The following DSCAM variants were observed in gnomAD, a reference collection of about 807,000 sequenced individuals.
DSCAM encodes DS cell adhesion molecule, also known as cell adhesion molecule DSCAM.
DSCAM carries 47 observed loss-of-function variants against 217.7 expected under a neutral mutation model. That is an observed-to-expected ratio of 0.22 (90% CI 0.17 to 0.28). The LOEUF (loss-of-function observed/expected upper bound fraction) is 0.28. Ranked by LOEUF, DSCAM falls within the 10% of genes least tolerant of loss-of-function variation. The probability of loss-of-function intolerance (pLI) is 1.00; values close to 1 mark genes in which losing one functional copy is unlikely to be tolerated. For missense variants in DSCAM, 2,080 were observed against 2,618.3 expected (o/e 0.79, Z 4.49); for synonymous variants, 1,056 against 1,015.3 (o/e 1.04, Z -0.76).
At chr21:40,102,902 C>T (rs926781511) in intron 20 of DSCAM, among the ~76,000 whole-genome samples, 3 of 152,160 alleles carry the variant, frequency 2.0e-5, no homozygotes, top group African/African-American at 7.2e-5. Flanking sequence ...CTTACTGCAT[C>T]TCCCCAGGGG....
chr21:40,039,876 G>T (rs2088712355), intron 32 of DSCAM, among the ~76,000 whole-genome samples: 1 of 152,148 alleles, frequency 6.6e-6, no homozygotes, highest in African/African-American at 2.4e-5. Context: ...CTCTAAAGTT[G>T]AGGAGGAAGA....
Position 40,577,733 on chromosome 21 carries a change from T to A in DSCAM, c.508+115077A>T, listed in dbSNP as rs568082779. ...CTAGTTAGAACAATTTTACAGAAGT[T>A]AAGTAGGCAAAAAGTTAAAAGGATA... On this transcript the variant is annotated intron_variant, in intron 3 of 32. Coordinates refer to ENST00000400454, the MANE Select transcript of DSCAM (RefSeq NM_001389.5). Among the ~76,000 whole-genome samples, 26 of 152,266 alleles carry A rather than the reference T, an allele frequency of 1.7e-4. 1 individual carries two copies. The highest frequency in any genetic ancestry group is 6.2e-4 in the South Asian group (3 of 4,824).
At chr21:40,717,154 C>T (rs1364920739) in intron 1 of DSCAM, among the ~76,000 whole-genome samples, 1 of 152,168 alleles carries the variant, frequency 6.6e-6, no homozygotes, top group Non-Finnish European at 1.5e-5. Flanking sequence ...TTCTTAGATT[C>T]ATTTATCTTG....
chr21:40,405,701 A>G (rs1035532694), intron 3 of DSCAM, among the ~76,000 whole-genome samples: 1 of 152,234 alleles, frequency 6.6e-6, no homozygotes, highest in Non-Finnish European at 1.5e-5. Flanking sequence ...CTTGTTTTAT[A>G]AAAGATGATA....
intron 8 of DSCAM, among the ~76,000 whole-genome samples, chr21:40,335,083 C>T (rs547530178): frequency 1.3e-4 from 20 of 152,122 alleles, no homozygotes; most frequent in Non-Finnish European, 2.5e-4. Context: ...CTTCCCTTTA[C>T]CTAGGATGTC....
chr21:40,170,918 C>T (rs968900648), intron 15 of DSCAM, among the ~76,000 whole-genome samples: 21 of 152,150 alleles, frequency 1.4e-4, no homozygotes, highest in African/African-American at 4.8e-4. Flanking sequence ...AGATGGCACA[C>T]AAGAGTTGCA....
intron 3 of DSCAM, among the ~76,000 whole-genome samples, chr21:40,469,850 T>C (rs1309137255): frequency 1.3e-5 from 2 of 152,238 alleles, no homozygotes. Flanking sequence ...TTAAAATTAT[T>C]TGCATGTAGT....
chr21:40,116,182 A>C (rs1448215980), intron 20 of DSCAM, among the ~76,000 whole-genome samples: 1 of 152,158 alleles, frequency 6.6e-6, no homozygotes, highest in Non-Finnish European at 1.5e-5. Context: ...GGGTGAGAGG[A>C]GGGGGAGGAT....
At chr21:40,057,564 T>G (rs541407347) in intron 28 of DSCAM, among the ~76,000 whole-genome samples, 1 of 152,306 alleles carries the variant, frequency 6.6e-6, no homozygotes, top group African/African-American at 2.4e-5. Flanking sequence ...GCTGCTCTAT[T>G]AAATAGCGAT....
intron 3 of DSCAM, among the ~76,000 whole-genome samples, chr21:40,557,598 G>C (rs2076682339): frequency 6.6e-6 from 1 of 152,136 alleles, no homozygotes. Context: ...TCTTCCCAAA[G>C]TGTTGAGATG....
At chr21:40,702,669 ATT>A (rs58060649) in intron 2 of DSCAM, among the ~76,000 whole-genome samples, 3 of 148,586 alleles carry the variant, frequency 2.0e-5, no homozygotes, top group African/African-American at 7.3e-5. Flanking sequence ...TTTGATATGT[ATT>A]TTTTTTTTAC....
intron 4 of DSCAM, among the ~76,000 whole-genome samples, chr21:40,366,217 G>C (rs956089935): frequency 2.6e-5 from 4 of 151,948 alleles, no homozygotes; most frequent in Non-Finnish European, 5.9e-5. Flanking sequence ...TTTTGAATTA[G>C]TGTTTTATTA....
intron 20 of DSCAM, among the ~76,000 whole-genome samples, chr21:40,094,688 G>C (rs1271403743): frequency 1.3e-5 from 2 of 152,104 alleles, no homozygotes; most frequent in African/African-American, 4.8e-5. Context: ...AGTGCATAAG[G>C]GTCTTACCAC....
chr21:40,661,812 T>G (rs963518951), intron 3 of DSCAM, among the ~76,000 whole-genome samples: 1 of 152,152 alleles, frequency 6.6e-6, no homozygotes, highest in Admixed American at 6.5e-5. Context: ...AAAGGCAATA[T>G]GAGAATAGAG....
chr21:40,207,221 C>T (rs771967381), intron 11 of DSCAM, among the ~76,000 whole-genome samples: 13 of 152,260 alleles, frequency 8.5e-5, no homozygotes, highest in Middle Eastern at 3.4e-3. Flanking sequence ...ATAGAGAATT[C>T]ATTAAACAAA....
At chr21:40,628,879 C>T (rs1402509735) in intron 3 of DSCAM, among the ~76,000 whole-genome samples, 2 of 152,264 alleles carry the variant, frequency 1.3e-5, no homozygotes, top group East Asian at 3.9e-4. Context: ...TACTGAGTAG[C>T]TGCAACTACA....
At chr21:40,799,272 TA>T (rs1447088828) in intron 1 of DSCAM, among the ~76,000 whole-genome samples, 1 of 152,200 alleles carries the variant, frequency 6.6e-6, no homozygotes, top group Non-Finnish European at 1.5e-5. Context: ...AATTTGAATC[TA>T]TATTGCCAAT....
At chr21:40,367,831 C>T (rs1829246329) in intron 4 of DSCAM, among the ~76,000 whole-genome samples, 1 of 152,150 alleles carries the variant, frequency 6.6e-6, no homozygotes, top group African/African-American at 2.4e-5. Context: ...TACATTGTTG[C>T]TCTCACTTTT....
intron 3 of DSCAM, among the ~76,000 whole-genome samples, chr21:40,498,791 A>ATGGGTG (rs1280608846): frequency 2.7e-5 from 1 of 37,454 alleles, no homozygotes; most frequent in African/African-American, 1.5e-4. Flanking sequence ...GTATATATAT[A>ATGGGTG]TATATATATA....
Sources: allele counts gnomAD v4.1 joint callset (sites outside exome capture counted in the v4.1 genomes callset), GRCh38; gene constraint gnomAD v4.1.1; transcripts MANE v1.5; gene names NCBI Gene and HGNC (gene_info 2026-07-23, HGNC 2026-07-21).